ADCY2: variants seen among roughly 807,000 people sequenced by gnomAD.
ADCY2 encodes adenylate cyclase type 2.
A neutral mutation model predicts 125.2 loss-of-function variants in ADCY2; 31 were observed. That is an observed-to-expected ratio of 0.25 (90% CI 0.19 to 0.33). ADCY2 has a LOEUF of 0.33. Ranked by LOEUF, ADCY2 falls within the 10% of genes least tolerant of loss-of-function variation. ADCY2 has a pLI of 1.00. For missense variants in ADCY2, 904 were observed against 1,418.2 expected (o/e 0.64, Z 5.82); for synonymous variants, 512 against 548.4 (o/e 0.93, Z 0.93).
chr5:7,408,354 T>C (rs969240113), intron 1 of ADCY2, among the ~76,000 whole-genome samples: 5 of 152,154 alleles, frequency 3.3e-5, no homozygotes, highest in Non-Finnish European at 7.3e-5. Context: ...TTTGAAAATT[T>C]ACATTAGGTG....
intron 2 of ADCY2, among the ~76,000 whole-genome samples, chr5:7,494,939 G>A (rs769681761): frequency 9.9e-5 from 15 of 152,218 alleles, no homozygotes; most frequent in Admixed American, 9.2e-4. Flanking sequence ...CACCGGACCA[G>A]CTGCCATGTT....
chr5:7,730,710 C>T (rs954747277), intron 14 of ADCY2, among the ~76,000 whole-genome samples: 1 of 152,150 alleles, frequency 6.6e-6, no homozygotes, highest in Non-Finnish European at 1.5e-5. Context: ...TGACATTACT[C>T]TGTGGCATTA....
chr5:7,416,071 G>A (rs971819781), intron 2 of ADCY2, among the ~76,000 whole-genome samples: 2 of 152,176 alleles, frequency 1.3e-5, no homozygotes, highest in Non-Finnish European at 2.9e-5. Flanking sequence ...TTTCCAGAGG[G>A]TGTGGACAGA....
intron 2 of ADCY2, among the ~76,000 whole-genome samples, chr5:7,464,863 A>G (rs1259354548): frequency 2.6e-5 from 4 of 152,116 alleles, no homozygotes; most frequent in Non-Finnish European, 4.4e-5. Flanking sequence ...TATGATCTTT[A>G]CTAGTCCATT....
chr5:7,708,840 C>T (rs1214191037), intron 9 of ADCY2, among the ~76,000 whole-genome samples: 1 of 152,070 alleles, frequency 6.6e-6, no homozygotes, highest in Non-Finnish European at 1.5e-5. Context: ...AACACCAAAA[C>T]ACGATGTTTG....
At chr5:7,560,791 C>A (rs150068905) in intron 3 of ADCY2, among the ~76,000 whole-genome samples, 30 of 152,042 alleles carry the variant, frequency 2.0e-4, no homozygotes, top group African/African-American at 6.8e-4. Context: ...GAGATTCAAG[C>A]GATTCTCCTG....
Position 7,763,409 on chromosome 5 carries a change from T to A in ADCY2, c.2095-3278T>A, listed in dbSNP as rs956737532. ...CCCGGCCTCTAATGTATTTTTTAAT[T>A]ATGTAAAATATATATAAATAAGGTA... is the stretch of plus-strand genomic sequence containing the variant. On this transcript the variant is annotated intron_variant, in intron 16 of 24. Transcript: ENST00000338316. 2.0e-5 allele frequency among the ~76,000 whole-genome samples: 3 copies of A among 152,186 alleles called. No individual in the cohort carries two copies. The South Asian group carries it at 6.2e-4, about 32-fold the overall frequency.
intron 23 of ADCY2, among the ~76,000 whole-genome samples, chr5:7,818,257 A>G (rs1404703301): frequency 6.6e-6 from 1 of 152,182 alleles, no homozygotes; most frequent in East Asian, 1.9e-4. Context: ...TGTCATTTAA[A>G]TCCAAAATAT....
intron 3 of ADCY2, among the ~76,000 whole-genome samples, chr5:7,549,595 C>G (rs1735259702): frequency 6.6e-6 from 1 of 152,232 alleles, no homozygotes; most frequent in African/African-American, 2.4e-5. Context: ...CTGATCTTGG[C>G]TTCACCACCA....
At chr5:7,601,746 A>G (rs1352696616) in intron 3 of ADCY2, among the ~76,000 whole-genome samples, 2 of 151,874 alleles carry the variant, frequency 1.3e-5, no homozygotes, top group Non-Finnish European at 2.9e-5. Context: ...TCTCCTTCCC[A>G]TCCTTCCTTA....
At chr5:7,584,571 T>G (rs1039430895) in intron 3 of ADCY2, among the ~76,000 whole-genome samples, 17 of 152,150 alleles carry the variant, frequency 1.1e-4, no homozygotes, top group Non-Finnish European at 2.9e-5. Flanking sequence ...CCCAGCTTTG[T>G]AACTGTGGTT....
rs1248697419 is a variant in ADCY2, at chr5:7,671,537, A to G, written c.721-19154A>G. Among the ~76,000 whole-genome samples, 4 of 152,134 alleles carry G rather than the reference A, an allele frequency of 2.6e-5. No individual in the cohort carries two copies. The East Asian group carries it at 7.7e-4, about 29-fold the overall frequency. ...TCTCCATCAAAGAGCTGCCTTGGAA[A>G]CTTCTTATTGTTCACTATGAGTGTG... On this transcript the variant is annotated intron_variant, in intron 4 of 24. Transcript: ENST00000338316.
chr5:7,758,262 A>G (rs544338470), intron 16 of ADCY2, among the ~76,000 whole-genome samples: 1 of 152,272 alleles, frequency 6.6e-6, no homozygotes, highest in South Asian at 2.1e-4. Flanking sequence ...TATTGAACCA[A>G]TGGCCACTCT....
At chr5:7,629,908 G>A (rs758997656) in intron 4 of ADCY2, among the ~76,000 whole-genome samples, 8 of 152,214 alleles carry the variant, frequency 5.3e-5, no homozygotes, top group Non-Finnish European at 8.8e-5. Flanking sequence ...TGCTGTTTCC[G>A]TAGGAGTAAA....
At chr5:7,803,851 G>A (rs980245985) in intron 21 of ADCY2, among the ~76,000 whole-genome samples, 1 of 151,646 alleles carries the variant, frequency 6.6e-6, no homozygotes, top group African/African-American at 2.4e-5. Context: ...ACTGAGCTAT[G>A]ATCACACCAC....
chr5:7,790,453 G>T (rs1744217383), intron 20 of ADCY2, among the ~76,000 whole-genome samples: 1 of 152,192 alleles, frequency 6.6e-6, no homozygotes, highest in Non-Finnish European at 1.5e-5. Flanking sequence ...ATATTGAAAT[G>T]GGTTTTGAAG....
chr5:7,571,879 A>G (rs1455007685), intron 3 of ADCY2, among the ~76,000 whole-genome samples: 1 of 152,182 alleles, frequency 6.6e-6, no homozygotes, highest in Non-Finnish European at 1.5e-5. Context: ...TATAAGTGAG[A>G]ACATGCAGTA....
chr5:7,769,143 A>G (rs778561005), intron 17 of ADCY2, among the ~76,000 whole-genome samples: 1 of 152,208 alleles, frequency 6.6e-6, no homozygotes, highest in Non-Finnish European at 1.5e-5. Flanking sequence ...AAAGCACAAG[A>G]CAGACACACT....
chr5:7,563,069 T>A (rs1210791879), intron 3 of ADCY2, among the ~76,000 whole-genome samples: 1 of 152,190 alleles, frequency 6.6e-6, no homozygotes, highest in Non-Finnish European at 1.5e-5. Flanking sequence ...GGAGACAAAT[T>A]TAGTGTTTGA....
Sources: allele counts gnomAD v4.1 joint callset (sites outside exome capture counted in the v4.1 genomes callset), GRCh38; gene constraint gnomAD v4.1.1; transcripts MANE v1.5; gene names NCBI Gene and HGNC (gene_info 2026-07-23, HGNC 2026-07-21).